Variants in NNT observed in about 807,000 individuals in gnomAD.
The protein encoded by NNT is NAD(P) transhydrogenase, mitochondrial.
Under a neutral mutation model 104.8 loss-of-function variants are expected in NNT, and 50 were observed. The observed-to-expected ratio is 0.48, with a 90% CI of 0.38 to 0.60. NNT has a LOEUF of 0.60. Ranked by LOEUF, NNT falls within the 20% of genes least tolerant of loss-of-function variation. The pLI is 0.00. For synonymous variants in NNT, 461 were observed against 490.4 expected, an observed-to-expected ratio of 0.94 and a Z score of 0.79; for missense variants, 1,131 against 1,330.7, an observed-to-expected ratio of 0.85 and a Z score of 2.33.
intron 19 of NNT, among the ~76,000 whole-genome samples, chr5:43,684,486 A>G (rs1301042320): frequency 1.3e-5 from 2 of 152,074 alleles, no homozygotes; most frequent in African/African-American, 4.8e-5. Context: ...GGGAAGCCTC[A>G]CCAGAGATGT....
At chr5:43,684,981 A>G (rs1741907730) in intron 19 of NNT, among the ~76,000 whole-genome samples, 1 of 152,222 alleles carries the variant, frequency 6.6e-6, no homozygotes, top group Non-Finnish European at 1.5e-5. Context: ...CTTGAGCTAT[A>G]GCCCATACTA....
In NNT at chr5:43,704,532, A is replaced by C; in HGVS notation, c.*128A>C. On this transcript the variant is annotated 3_prime_UTR_variant, in exon 22 of 22. Transcript: ENST00000344920. ...TCTTGGAGAAAATGAAGACTGAAGAAAGCAAAGCAAAAACTGTATAGAGAG... is the reference window on the plus strand; with the variant it reads ...TCTTGGAGAAAATGAAGACTGAAGACAGCAAAGCAAAAACTGTATAGAGAG... The C allele has an allele frequency of 1.1e-6, 1 of 912,084 alleles. No homozygotes were observed. The highest frequency in any genetic ancestry group is 1.6e-6 in the Non-Finnish European group (1 of 630,030). The allele number at this position is 912,084 out of a possible 1,614,324, so 56.5% of individuals were successfully genotyped here.
In NNT at chr5:43,641,997, C is replaced by T. The variant is rs114171466; in HGVS notation, c.965-2195C>T. 5.6e-3 allele frequency among the ~76,000 whole-genome samples: 860 copies of T among 152,270 alleles called. 6 individuals are homozygous for T. Among genetic ancestry groups the T allele is most frequent in the African/African-American group, 0.019 (781 of 41,540 alleles). On this transcript the variant is annotated intron_variant, in intron 7 of 21. Coordinates refer to ENST00000344920, the MANE Select transcript of NNT (RefSeq NM_182977.3). The stretch of plus-strand genomic sequence containing the variant: ...AAAAATGGTTTTGGACACTTGATGT[C>T]TTGCAAAGTGGTAGCATACAGTCCA...
intron 7 of NNT, among the ~76,000 whole-genome samples, chr5:43,634,802 T>C (rs1407213944): frequency 6.6e-6 from 1 of 152,212 alleles, no homozygotes; most frequent in Non-Finnish European, 1.5e-5. Context: ...AAGTTTTCCA[T>C]TGCTATTTAT....
At chr5:43,692,569 C>T (rs983193424) in intron 19 of NNT, among the ~76,000 whole-genome samples, 41 of 152,316 alleles carry the variant, frequency 2.7e-4, no homozygotes, top group Non-Finnish European at 2.6e-4. Context: ...GGTGATCCAT[C>T]CGCCTTGGCC....
chr5:43,632,494 A>T (rs949329519), intron 7 of NNT, among the ~76,000 whole-genome samples: 3 of 152,198 alleles, frequency 2.0e-5, no homozygotes, highest in African/African-American at 7.2e-5. Flanking sequence ...GTACTTACGT[A>T]GATTGTATGT....
intron 13 of NNT, among the ~76,000 whole-genome samples, 175 bp downstream of exon 13, chr5:43,652,059 C>T (rs1739797284): frequency 6.6e-6 from 1 of 152,196 alleles, no homozygotes; most frequent in Admixed American, 6.5e-5. Flanking sequence ...CCCTAAGGAT[C>T]AGGACCCTGG....
intron 5 of NNT, among the ~76,000 whole-genome samples, chr5:43,621,426 TC>T (rs1750086263): frequency 6.6e-6 from 1 of 152,178 alleles, no homozygotes; most frequent in South Asian, 2.1e-4. Context: ...GAGGCATTGT[TC>T]TAGGAGCTGG....
chr5:43,623,730 G>A (rs778338253), intron 5 of NNT, among the ~76,000 whole-genome samples: 1 of 152,176 alleles, frequency 6.6e-6, no homozygotes, highest in Non-Finnish European at 1.5e-5. Context: ...TTCAACATAC[G>A]TAATGCTGAT....
chr5:43,688,287 G>A (rs1323883469), intron 19 of NNT, among the ~76,000 whole-genome samples: 1 of 152,150 alleles, frequency 6.6e-6, no homozygotes, highest in African/African-American at 2.4e-5. Flanking sequence ...GTTAGAGAAG[G>A]ACATGTGACA....
At chr5:43,633,919 C>T (rs769487913) in intron 7 of NNT, among the ~76,000 whole-genome samples, 13 of 152,146 alleles carry the variant, frequency 8.5e-5, no homozygotes, top group South Asian at 2.1e-4. Context: ...GGCTGGCTAG[C>T]TAGACCTCTC....
At chr5:43,675,325 A>T (rs1483939372) in intron 17 of NNT, among the ~76,000 whole-genome samples, 186 bp from the exon 18 acceptor site, 1 of 152,194 alleles carries the variant, frequency 6.6e-6, no homozygotes, top group Non-Finnish European at 1.5e-5. Flanking sequence ...TGGTTCTCAG[A>T]TATCTTCTGT....
Position 43,640,631 on chromosome 5 carries a change from T to A in NNT, c.965-3561T>A, listed in dbSNP as rs566645217. Among the ~76,000 whole-genome samples the A allele has an allele frequency of 4.2e-3, 641 of 152,108 alleles. 4 individuals carry two copies. The highest frequency in any genetic ancestry group is 0.015 in the African/African-American group (623 of 41,502). ...AGTAGAAAATAAAGATCACCTGTGATCTCTCCACATCATACTAAGAGTGAA... is the reference window on the plus strand; with the variant it reads ...AGTAGAAAATAAAGATCACCTGTGAACTCTCCACATCATACTAAGAGTGAA... On this transcript the variant is annotated intron_variant, in intron 7 of 21. Coordinates refer to ENST00000344920, the MANE Select transcript of NNT (RefSeq NM_182977.3).
At chr5:43,659,388 C>T (rs761693043) in intron 17 of NNT, 38 bp downstream of exon 17, 1 of 1,517,000 alleles carries the variant, frequency 6.6e-7, no homozygotes, top group East Asian at 2.3e-5. Flanking sequence ...AAGGAAATGG[C>T]TTCCTGAAAA....
At chr5:43,689,736 C>T (rs377443280) in intron 19 of NNT, among the ~76,000 whole-genome samples, 13 of 151,962 alleles carry the variant, frequency 8.6e-5, no homozygotes, top group African/African-American at 3.1e-4. Context: ...CAGAGAAAGG[C>T]GAAGTCCAAG....
At chr5:43,702,882 A>G (rs1217237498) in intron 21 of NNT, 146 bp downstream of exon 21, 2 of 562,610 alleles carry the variant, frequency 3.6e-6, no homozygotes, top group South Asian at 5.2e-5. Context: ...AGTTTCCTAT[A>G]TCCAGCTTCT....
In NNT at chr5:43,659,284, T is replaced by C; in HGVS notation, c.2568T>C (p.Asn856=). The C allele has an allele frequency of 6.2e-7, 1 of 1,614,020 alleles. No individual in the cohort carries two copies. The highest frequency in any genetic ancestry group is 8.5e-7 in the Non-Finnish European group (1 of 1,179,998). The change falls in exon 17 of 22, where the codon AAT becomes AAC. Residue 856 remains asparagine, a synonymous_variant. Transcript: ENST00000344920. ...LCAEGFLLNN[N]LLTIVGALIG... ...CAGAGGGCTTCCTGCTCAACAACAATCTGCTGACCATCGTGGGTGCACTCA... is the reference window on the plus strand; with the variant it reads ...CAGAGGGCTTCCTGCTCAACAACAACCTGCTGACCATCGTGGGTGCACTCA...
chr5:43,691,401 G>T (rs1240880835), intron 19 of NNT, among the ~76,000 whole-genome samples: 2 of 152,146 alleles, frequency 1.3e-5, no homozygotes, highest in Non-Finnish European at 2.9e-5. Context: ...ACCATGCCCG[G>T]CCAGAGTGTG....
chr5:43,672,825 A>T (rs1233343436), intron 17 of NNT, among the ~76,000 whole-genome samples: 1 of 152,232 alleles, frequency 6.6e-6, no homozygotes, highest in African/African-American at 2.4e-5. Flanking sequence ...AGACAGGGAC[A>T]TGTAAGTCTG....
Sources: allele counts gnomAD v4.1 joint callset (sites outside exome capture counted in the v4.1 genomes callset), GRCh38; gene constraint gnomAD v4.1.1; transcripts MANE v1.5; gene names NCBI Gene and HGNC (gene_info 2026-07-23, HGNC 2026-07-21).